The following FAM193A variants were observed in gnomAD, a reference collection of about 807,000 sequenced individuals.
The protein encoded by FAM193A is family with sequence similarity 193 member A, also known as protein FAM193A.
Under a neutral mutation model 126.5 loss-of-function variants are expected in FAM193A, and 22 were observed. The observed-to-expected ratio is 0.17, with a 90% CI of 0.12 to 0.25. FAM193A has a LOEUF of 0.25. Among genes scored for constraint, FAM193A ranks in the 10% least tolerant of loss-of-function variants. The pLI is 1.00. For missense variants in FAM193A, 1,675 were observed against 1,672.8 expected (o/e 1.00, Z -0.02); for synonymous variants, 761 against 646.8 (o/e 1.18, Z -2.68).
At chr4:2,693,144 G>A (rs962729542) in intron 15 of FAM193A, among the ~76,000 whole-genome samples, 7 of 151,920 alleles carry the variant, frequency 4.6e-5, no homozygotes, top group African/African-American at 1.5e-4. Flanking sequence ...TCAGCCTCCC[G>A]CGTAGCTGGG....
intron 12 of FAM193A, 59 bp from the exon 13 acceptor site, chr4:2,672,062 T>C: frequency 6.3e-7 from 1 of 1,581,834 alleles, no homozygotes; most frequent in East Asian, 2.2e-5. Flanking sequence ...TGTGACTGAC[T>C]TTAATTCATA....
chr4:2,732,474 TA>T lies in FAM193A; in HGVS notation c.*608del, dbSNP rs1721512529. On this transcript the variant is annotated 3_prime_UTR_variant, in exon 21 of 21. Coordinates refer to ENST00000637812, the MANE Select transcript of FAM193A (RefSeq NM_001366318.2). Reference sequence around the variant, plus strand: ...TCTGTTATAGAGTGTACGACTGTATTAACACGGAGGCCTGCCTGGCTACTTT... The same window carrying T: ...TCTGTTATAGAGTGTACGACTGTATTACACGGAGGCCTGCCTGGCTACTTT... The T allele has an allele frequency of 1.3e-5, 2 of 152,936 alleles. No individual in the cohort carries two copies. The highest frequency in any genetic ancestry group is 4.8e-5 in the African/African-American group (2 of 41,462). 9.5% of individuals were successfully genotyped at this position (152,936 alleles called of 1,614,324 possible).
intron 8 of FAM193A, among the ~76,000 whole-genome samples, chr4:2,658,527 C>T (rs1026010881): frequency 5.9e-5 from 9 of 152,156 alleles, no homozygotes; most frequent in African/African-American, 2.2e-4. Flanking sequence ...CGTGCCACAT[C>T]GACTCTCTTC....
At chr4:2,545,142 G>A (rs545524436) in intron 1 of FAM193A, among the ~76,000 whole-genome samples, 4 of 152,150 alleles carry the variant, frequency 2.6e-5, no homozygotes, top group South Asian at 2.1e-4. Flanking sequence ...ACAGGCATGC[G>A]CCGCCATGCC....
chr4:2,582,913 G>C (rs1282996915), intron 1 of FAM193A, among the ~76,000 whole-genome samples: 3 of 152,220 alleles, frequency 2.0e-5, no homozygotes, highest in Non-Finnish European at 1.5e-5. Context: ...TTTTGACTTG[G>C]AAGTGTGTAG....
chr4:2,662,898 G>C lies in FAM193A; in HGVS notation c.1806G>C (p.Leu602Phe). Residue 602 changes from leucine to phenylalanine, a missense_variant, in exon 11 of 21, where the codon TTG becomes TTC. By Grantham distance (22) the Leu-to-Phe change is conservative. Transcript: ENST00000637812. The part of the protein sequence containing the change: ...LSAKFADIYP[L>F]SNYDDTEVVA... ...CCAAATTTGCTGATATTTATCCATT[G>C]AGTAATTATGATGATACCGAGGTGG... The C allele has an allele frequency of 6.2e-7, 1 of 1,613,208 alleles. No individual in the cohort carries two copies. The highest frequency in any genetic ancestry group is 1.1e-5 in the South Asian group (1 of 91,058).
At chr4:2,599,932 G>A (rs1021780827) in intron 2 of FAM193A, among the ~76,000 whole-genome samples, 3 of 148,492 alleles carry the variant, frequency 2.0e-5, no homozygotes, top group Non-Finnish European at 3.0e-5. Flanking sequence ...ACACAGTCTC[G>A]CTCTGTCACC....
At chr4:2,684,250 C>G (rs1452251919) in intron 13 of FAM193A, among the ~76,000 whole-genome samples, 1 of 152,200 alleles carries the variant, frequency 6.6e-6, no homozygotes. Flanking sequence ...CTCCTTTTCT[C>G]CCAGTTCCAT....
intron 1 of FAM193A, among the ~76,000 whole-genome samples, chr4:2,555,906 C>G (rs1168889806): frequency 1.4e-5 from 2 of 146,880 alleles, no homozygotes; most frequent in African/African-American, 5.0e-5. Context: ...GTGAGAGACA[C>G]TGTTTTTTTT....
At chr4:2,604,134 C>T (rs775418869) in intron 2 of FAM193A, among the ~76,000 whole-genome samples, 6 of 152,158 alleles carry the variant, frequency 3.9e-5, no homozygotes, top group Non-Finnish European at 5.9e-5. Flanking sequence ...TGAGCCACCA[C>T]GGCCAGCCAC....
chr4:2,628,479 T>TA (rs1308762138), intron 4 of FAM193A, among the ~76,000 whole-genome samples: 1 of 151,556 alleles, frequency 6.6e-6, no homozygotes, highest in African/African-American at 2.4e-5. Context: ...CTACACAAAA[T>TA]AAAAAAAATT....
At chr4:2,709,657 C>CGA (rs1338227238) in intron 19 of FAM193A, among the ~76,000 whole-genome samples, 1 of 151,762 alleles carries the variant, frequency 6.6e-6, no homozygotes, top group East Asian at 1.9e-4. Context: ...TGCAGTGAGC[C>CGA]GAGAACACGC....
intron 12 of FAM193A, among the ~76,000 whole-genome samples, chr4:2,666,785 T>C (rs1713168940): frequency 6.6e-6 from 1 of 152,262 alleles, no homozygotes; most frequent in Non-Finnish European, 1.5e-5. Flanking sequence ...TCTAATGTGT[T>C]GGCATAAAGT....
intron 20 of FAM193A, among the ~76,000 whole-genome samples, chr4:2,721,369 T>TACTGAGTA (rs1720136424): frequency 6.8e-6 from 1 of 146,882 alleles, no homozygotes; most frequent in Admixed American, 6.7e-5. Flanking sequence ...ATGCCTGTAG[T>TACTGAGTA]CCCAGCTACT....
At chr4:2,682,833 ATG>A (rs1401022374) in intron 13 of FAM193A, among the ~76,000 whole-genome samples, 8 of 71,460 alleles carry the variant, frequency 1.1e-4, no homozygotes, top group Non-Finnish European at 4.0e-5. Flanking sequence ...ACTTATCCAC[ATG>A]TTTATCACCC....
chr4:2,706,803 T>C (rs1044529742), intron 19 of FAM193A, among the ~76,000 whole-genome samples: 20 of 151,640 alleles, frequency 1.3e-4, no homozygotes, highest in African/African-American at 4.8e-4. Context: ...CTATATGAAC[T>C]TTAGCATCAA....
intron 20 of FAM193A, among the ~76,000 whole-genome samples, chr4:2,719,703 C>A (rs1164897528): frequency 6.6e-6 from 1 of 150,706 alleles, no homozygotes; most frequent in Non-Finnish European, 1.5e-5. Context: ...CAAGATTGCA[C>A]CATTGTACTC....
At chr4:2,615,752 C>T (rs901339414) in intron 2 of FAM193A, among the ~76,000 whole-genome samples, 7 of 152,154 alleles carry the variant, frequency 4.6e-5, no homozygotes, top group South Asian at 2.1e-4. Flanking sequence ...CTCCTGACCT[C>T]GTGATCTGCC....
chr4:2,707,178 A>G (rs980144534), intron 19 of FAM193A, among the ~76,000 whole-genome samples: 2 of 152,110 alleles, frequency 1.3e-5, no homozygotes, highest in Non-Finnish European at 1.5e-5. Context: ...ACACTTATAC[A>G]TTAATTTAGG....
Sources: allele counts gnomAD v4.1 joint callset (sites outside exome capture counted in the v4.1 genomes callset), GRCh38; gene constraint gnomAD v4.1.1; transcripts MANE v1.5; gene names NCBI Gene and HGNC (gene_info 2026-07-23, HGNC 2026-07-21).